The following KIF15 variants were observed in gnomAD, a reference collection of about 807,000 sequenced individuals.
KIF15 encodes kinesin-like protein KIF15.
A neutral mutation model predicts 190.6 loss-of-function variants in KIF15; 140 were observed. That is an observed-to-expected ratio of 0.73 (90% confidence interval 0.64 to 0.84). KIF15 has a LOEUF of 0.84. KIF15 is among the 40% of genes least tolerant of loss of function. KIF15 has a pLI of 0.00. For synonymous variants in KIF15, 528 were observed against 551.3 expected (o/e 0.96, Z 0.59); for missense variants, 1,372 against 1,584.4 (o/e 0.87, Z 2.28).
chr3:44,801,267 A>G (rs961504189), intron 11 of KIF15, among the ~76,000 whole-genome samples, 183 bp from the exon 12 acceptor site: 4 of 151,872 alleles, frequency 2.6e-5, no homozygotes, highest in South Asian at 4.2e-4. Context: ...ACCTCAAGAA[A>G]GATATCCGTC....
chr3:44,767,562 A>G (rs1191835758), intron 1 of KIF15, among the ~76,000 whole-genome samples: 6 of 152,210 alleles, frequency 3.9e-5, no homozygotes, highest in Non-Finnish European at 8.8e-5. Context: ...TGCCCACTGC[A>G]TATCCAGTTA....
intron 26 of KIF15, among the ~76,000 whole-genome samples, chr3:44,835,557 T>TA: frequency 1.3e-5 from 2 of 152,196 alleles, no homozygotes; most frequent in East Asian, 1.9e-4. Context: ...AATCCCAGTA[T>TA]AAAAAACTGA....
At chr3:44,798,609 G>T (rs544903734) in intron 10 of KIF15, among the ~76,000 whole-genome samples, 1 of 152,110 alleles carries the variant, frequency 6.6e-6, no homozygotes, top group Admixed American at 6.5e-5. Context: ...TCACTTTGTT[G>T]CCCAGGCTCG....
intron 16 of KIF15, among the ~76,000 whole-genome samples, chr3:44,810,158 T>C (rs1217401911): frequency 6.6e-6 from 1 of 152,226 alleles, no homozygotes; most frequent in Non-Finnish European, 1.5e-5. Context: ...TTTAATATAA[T>C]GTACTGTAAT....
At chr3:44,845,365 G>A (rs1276072064) in intron 30 of KIF15, among the ~76,000 whole-genome samples, 1 of 152,170 alleles carries the variant, frequency 6.6e-6, no homozygotes, top group Admixed American at 6.5e-5. Flanking sequence ...GGGGGCAGCA[G>A]GGATGGCTAT....
At position 44,794,332 on chromosome 3, in the gene KIF15, A is replaced by C. The variant is rs1469613151; in HGVS notation, c.755A>C (p.Glu252Ala). 20 of 1,614,082 alleles carry C rather than the reference A, an allele frequency of 1.2e-5. No homozygotes were observed. The highest frequency in any genetic ancestry group is 1.5e-5 in the Non-Finnish European group (18 of 1,179,974). Residue 252 changes from glutamate (E) to alanine (A), a missense_variant, in exon 8 of 35, where the codon GAG (glutamate) becomes GCG (alanine). Transcript: ENST00000326047. ...ITIESMEKSNEIVNIRTSLLN... is the reference protein window; with the variant it reads ...ITIESMEKSNAIVNIRTSLLN... ...ATAGAGTCAATGGAGAAAAGTAATG[A>C]GATTGTGAATATACGGACCTCCCTA...
At position 44,826,193 on chromosome 3, in the gene KIF15, T is replaced by C. The variant is rs1322377230; in HGVS notation, c.2700+4T>C. 1.3e-6 allele frequency: 2 copies of C among 1,568,424 alleles called. No homozygotes were observed. The highest frequency in any genetic ancestry group is 1.2e-5 in the South Asian group (1 of 83,780). On this transcript the variant is annotated splice_donor_region_variant and intron_variant, in intron 21 of 34. Coordinates refer to ENST00000326047, the MANE Select transcript of KIF15 (RefSeq NM_020242.3). ...AACTCTGAAATCTGATCTGAATGTATGTTAAGAAGGGTGAATTTGTCCCGC... is the reference window on the plus strand; with the variant it reads ...AACTCTGAAATCTGATCTGAATGTACGTTAAGAAGGGTGAATTTGTCCCGC...
intron 16 of KIF15, among the ~76,000 whole-genome samples, chr3:44,808,016 G>C (rs1707596419): frequency 6.6e-6 from 1 of 151,970 alleles, no homozygotes; most frequent in Non-Finnish European, 1.5e-5. Context: ...GCTCACTGCA[G>C]CCTTGAACTC....
intron 24 of KIF15, among the ~76,000 whole-genome samples, chr3:44,829,677 GTA>G (rs1195920295): frequency 1.0e-4 from 12 of 120,046 alleles, no homozygotes; most frequent in South Asian, 7.2e-4. Flanking sequence ...TATAATATAT[GTA>G]TATATATTAT....
chr3:44,778,877 G>A (rs1260839403), intron 4 of KIF15, among the ~76,000 whole-genome samples: 1 of 151,110 alleles, frequency 6.6e-6, no homozygotes, highest in African/African-American at 2.4e-5. Context: ...AGCTACTTGG[G>A]AGGCTGAGGC....
rs1170583834 is a variant in KIF15 at position 44,794,668 on chromosome 3, T to C, written c.849+242T>C. Among the ~76,000 whole-genome samples, 8 of 152,200 alleles carry C rather than the reference T, an allele frequency of 5.3e-5. No homozygotes were observed. In the East Asian group the frequency reaches 1.4e-3, roughly 26 times the overall value. On this transcript the variant is annotated intron_variant, in intron 8 of 34. Coordinates refer to ENST00000326047, the MANE Select transcript of KIF15 (RefSeq NM_020242.3). ...TTTCCTAACAGCACATTTCTTAAAA[T>C]GTACCCCTGTTAGCCGGGCGCGGTG... is the stretch of plus-strand genomic sequence containing the variant.
intron 4 of KIF15, among the ~76,000 whole-genome samples, chr3:44,780,100 G>T: frequency 7.4e-6 from 1 of 135,958 alleles, no homozygotes; most frequent in African/African-American, 2.8e-5. Context: ...AAAAGAGATG[G>T]AGTCTTGTTA....
At chr3:44,849,494 A>G (rs1698985330) in intron 32 of KIF15, among the ~76,000 whole-genome samples, 1 of 152,154 alleles carries the variant, frequency 6.6e-6, no homozygotes, top group African/African-American at 2.4e-5. Flanking sequence ...TTTTTTAAAA[A>G]GAGAAAAGAA....
Position 44,775,395 on chromosome 3 carries a change from G to A in KIF15, c.204G>A (p.Lys68=). The A allele has an allele frequency of 6.2e-7, 1 of 1,613,824 alleles. No individual in the cohort carries two copies. Among genetic ancestry groups the A allele is most frequent in the Non-Finnish European group, 8.5e-7 (1 of 1,179,894 alleles). The part of the protein sequence containing the change: ...SLRLHSNPEP[K]TFTFDHVADV... ...GGCTGCACTCCAACCCTGAGCCCAA[G>A]ACCTTCACGTTTGATCATGTTGCAG... The change falls in exon 3 of 35, where the codon AAG becomes AAA. Residue 68 remains lysine (K), a synonymous_variant. Coordinates refer to ENST00000326047, the MANE Select transcript of KIF15 (RefSeq NM_020242.3).
chr3:44,771,846 T>G (rs1705653976), intron 1 of KIF15, among the ~76,000 whole-genome samples: 2 of 152,212 alleles, frequency 1.3e-5, no homozygotes, highest in African/African-American at 4.8e-5. Context: ...AAGATCAATT[T>G]TTACAATCCT....
chr3:44,858,287 G>A (rs1684462956), intron 6 of KIF15, among the ~76,000 whole-genome samples: 1 of 152,254 alleles, frequency 6.6e-6, no homozygotes, highest in African/African-American at 2.4e-5. Context: ...GAACTAACCT[G>A]TAAGACTTGT....
chr3:44,823,945 A>C (rs1203670709), intron 20 of KIF15, among the ~76,000 whole-genome samples: 2 of 152,144 alleles, frequency 1.3e-5, no homozygotes, highest in Non-Finnish European at 2.9e-5. Flanking sequence ...AGGAAAGGGA[A>C]ATTCCCCGAC....
At chr3:44,856,080 C>T (rs1313891937), downstream of KIF15, among the ~76,000 whole-genome samples, 3 of 151,156 alleles carry the variant, frequency 2.0e-5, no homozygotes, top group Non-Finnish European at 4.4e-5. Context: ...AAGGCCGGTC[C>T]GTTATCGGAC....
intron 6 of KIF15, among the ~76,000 whole-genome samples, chr3:44,785,353 A>G (rs1185343559): frequency 2.6e-5 from 4 of 152,220 alleles, no homozygotes; most frequent in Non-Finnish European, 5.9e-5. Context: ...AATCCTCATG[A>G]CATCCAGCAG....
Sources: gnomAD v4.1 joint callset for allele counts (sites outside exome capture counted in the v4.1 genomes callset) on GRCh38, gnomAD v4.1.1 for gene constraint, MANE v1.5 for transcripts, NCBI Gene and HGNC (gene_info 2026-07-23, HGNC 2026-07-21) for gene names.